USP24: variants seen among roughly 807,000 people sequenced by gnomAD.
The protein encoded by USP24 is ubiquitin carboxyl-terminal hydrolase 24.
Under a neutral mutation model 361.6 loss-of-function variants are expected in USP24, and 97 were observed. The ratio of observed to expected loss-of-function variants is 0.27; its 90% CI spans 0.23 to 0.32. The LOEUF is 0.32. Among genes scored for constraint, USP24 ranks in the 10% least tolerant of loss-of-function variants. The pLI is 1.00. For synonymous variants in USP24, 1,098 were observed against 1,124.6 expected, an observed-to-expected ratio of 0.98 and a Z score of 0.47; for missense variants, 2,353 against 3,165.6, an observed-to-expected ratio of 0.74 and a Z score of 6.16.
chr1:55,212,781 T>C (rs1450225432), intron 1 of USP24, among the ~76,000 whole-genome samples: 1 of 152,166 alleles, frequency 6.6e-6, no homozygotes, highest in Non-Finnish European at 1.5e-5. Context: ...CTCTTAAAAG[T>C]AAACGGTGCA....
In USP24 at chr1:55,078,607, G is replaced by A. The variant is rs993697669; in HGVS notation, c.7245C>T (p.Leu2415=). The change falls in exon 61 of 68, where the codon CTC becomes CTT. Residue 2415 remains leucine, a synonymous_variant. Coordinates refer to ENST00000294383, the MANE Select transcript of USP24 (RefSeq NM_015306.3). ...LRELTGSLLA[L]IEMVVYCCFC... ...AACAGCAGTACACTACCATCTCAAT[G>A]AGTGCCAAGAGCGAGCCTGTCAGCT... 3 of 1,611,502 alleles carry A rather than the reference G, an allele frequency of 1.9e-6. No individual in the cohort carries two copies. The highest frequency in any genetic ancestry group is 1.7e-6 in the Non-Finnish European group (2 of 1,179,274).
At chr1:55,102,454 T>C (rs995791879) in intron 42 of USP24, among the ~76,000 whole-genome samples, 6 of 152,204 alleles carry the variant, frequency 3.9e-5, no homozygotes, top group African/African-American at 7.2e-5. Flanking sequence ...CACTTTGAAA[T>C]GCTATTCAAA....
intron 41 of USP24, among the ~76,000 whole-genome samples, chr1:55,105,942 T>A (rs894206300): frequency 6.6e-6 from 1 of 152,186 alleles, no homozygotes; most frequent in Non-Finnish European, 1.5e-5. Flanking sequence ...ATAATAATGG[T>A]ACCAGCACAC....
intron 36 of USP24, 49 bp from the exon 37 acceptor site, chr1:55,121,555 T>C (rs376681002): frequency 2.0e-6 from 3 of 1,503,322 alleles, no homozygotes; most frequent in East Asian, 2.3e-5. Context: ...AGTTAGGTAA[T>C]GCATTTTCAA....
intron 7 of USP24, among the ~76,000 whole-genome samples, chr1:55,165,544 A>T (rs989618918): frequency 6.6e-6 from 1 of 152,132 alleles, no homozygotes; most frequent in African/African-American, 2.4e-5. Context: ...TTCTGATTTT[A>T]TATAATCGTT....
intron 32 of USP24, among the ~76,000 whole-genome samples, chr1:55,128,875 C>T (rs961670461): frequency 6.6e-6 from 1 of 151,864 alleles, no homozygotes; most frequent in Non-Finnish European, 1.5e-5. Context: ...TCATCACACT[C>T]AACTATTTTT....
chr1:55,079,797 T>A (rs1407138896), intron 59 of USP24, 138 bp from the exon 60 acceptor site: 31 of 1,155,260 alleles, frequency 2.7e-5, no homozygotes, highest in Non-Finnish European at 1.2e-6. Flanking sequence ...ACACACTGAG[T>A]ACTCACACAC....
chr1:55,079,896 A>T (rs1645114081), intron 59 of USP24, among the ~76,000 whole-genome samples: 1 of 151,470 alleles, frequency 6.6e-6, no homozygotes, highest in Non-Finnish European at 1.5e-5. Flanking sequence ...TCGCACACAC[A>T]GAGAACTCGC....
intron 55 of USP24, among the ~76,000 whole-genome samples, chr1:55,087,208 T>A (rs1645270408): frequency 6.6e-6 from 1 of 152,228 alleles, no homozygotes; most frequent in Non-Finnish European, 1.5e-5. Flanking sequence ...GATCATTAAT[T>A]CTTCAAACAC....
chr1:55,211,939 A>G (rs1644856094), intron 1 of USP24, among the ~76,000 whole-genome samples: 1 of 152,280 alleles, frequency 6.6e-6, no homozygotes, highest in Non-Finnish European at 1.5e-5. Context: ...GATTAACTAT[A>G]TAATAGCTGA....
chr1:55,134,111 T>C lies in USP24; in HGVS notation c.3340A>G (p.Ile1114Val). The C allele has an allele frequency of 2.5e-6, 4 of 1,613,774 alleles. No individual in the cohort carries two copies. The highest frequency in any genetic ancestry group is 3.4e-6 in the Non-Finnish European group (4 of 1,179,786). The change falls in exon 30 of 68, where the codon ATT becomes GTT. Residue 1114 changes from isoleucine to valine, a missense_variant. Ile to Val is a conservative substitution (Grantham distance 29). Coordinates refer to ENST00000294383, the MANE Select transcript of USP24 (RefSeq NM_015306.3). Reference sequence around the variant, plus strand: ...TCAAGTTGATCAAGGGCTTCCTGAATGGCTGGATCAGTGGGTATCAAGAGC... The same window carrying C: ...TCAAGTTGATCAAGGGCTTCCTGAACGGCTGGATCAGTGGGTATCAAGAGC... The part of the protein sequence containing the change: ...LLLLIPTDPA[I>V]QEALDQLDSL...
At chr1:55,107,458 A>G in intron 39 of USP24, 28 bp from the exon 40 acceptor site, 1 of 1,531,236 alleles carries the variant, frequency 6.5e-7, no homozygotes, top group Non-Finnish European at 8.7e-7. Flanking sequence ...AATCCATTAC[A>G]AAGAAAGAAG....
intron 1 of USP24, among the ~76,000 whole-genome samples, chr1:55,192,248 T>C: frequency 6.6e-6 from 1 of 151,212 alleles, no homozygotes; most frequent in East Asian, 1.9e-4. Flanking sequence ...TTAAGCCTTC[T>C]TTGTTGAAAG....
chr1:55,090,077 A>AT (rs887736569), intron 54 of USP24, among the ~76,000 whole-genome samples: 1 of 152,132 alleles, frequency 6.6e-6, no homozygotes, highest in South Asian at 2.1e-4. Context: ...GAACTATAGC[A>AT]TTTTTTTCAT....
Position 55,139,021 on chromosome 1 carries a change from A to G in USP24, c.2751-11T>C. On this transcript the variant is annotated splice_polypyrimidine_tract_variant and intron_variant, in intron 24 of 67. Coordinates refer to ENST00000294383, the MANE Select transcript of USP24 (RefSeq NM_015306.3). ...ACAAGTTTAGTAGATCTATAGATTAAAAAAAAAAAGTATTAAAATGTATTT... is the reference window on the plus strand; with the variant it reads ...ACAAGTTTAGTAGATCTATAGATTAGAAAAAAAAAGTATTAAAATGTATTT... 1 of 1,551,000 alleles carries G rather than the reference A, an allele frequency of 6.4e-7. No individual in the cohort carries two copies. Among genetic ancestry groups the G allele is most frequent in the South Asian group, 1.2e-5 (1 of 84,262 alleles).
chr1:55,124,371 G>T, intron 35 of USP24, 98 bp downstream of exon 35: 1 of 1,395,354 alleles, frequency 7.2e-7, no homozygotes, highest in African/African-American at 1.4e-5. Context: ...CAAGAGAAGA[G>T]GGTCTCCCAT....
intron 39 of USP24, among the ~76,000 whole-genome samples, chr1:55,108,507 A>C (rs1364264422): frequency 6.6e-6 from 1 of 152,204 alleles, no homozygotes; most frequent in African/African-American, 2.4e-5. Context: ...TTATGCAATG[A>C]GACCAGCACC....
Position 55,103,823 on chromosome 1 carries a change from G to A in USP24, c.5025+53C>T, listed in dbSNP as rs771901783. On this transcript the variant is annotated intron_variant, in intron 42 of 67. Coordinates refer to ENST00000294383, the MANE Select transcript of USP24 (RefSeq NM_015306.3). ...TGCAAATACAGTCTTAAAATTATATGTTTCAGAGATCATTCTAAAAAAATT... is the reference window on the plus strand; with the variant it reads ...TGCAAATACAGTCTTAAAATTATATATTTCAGAGATCATTCTAAAAAAATT... The A allele has an allele frequency of 3.9e-6, 6 of 1,557,142 alleles. 1 individual carries two copies. The highest frequency in any genetic ancestry group is 2.4e-5 in the South Asian group (2 of 83,390).
chr1:55,162,019 T>C (rs937942617), intron 8 of USP24, among the ~76,000 whole-genome samples, 180 bp downstream of exon 8: 3 of 152,202 alleles, frequency 2.0e-5, no homozygotes, highest in Non-Finnish European at 4.4e-5. Flanking sequence ...TTAGGTCTCC[T>C]ATACTTCAAA....
Sources: allele counts gnomAD v4.1 joint callset (sites outside exome capture counted in the v4.1 genomes callset), GRCh38; gene constraint gnomAD v4.1.1; transcripts MANE v1.5; gene names NCBI Gene and HGNC (gene_info 2026-07-23, HGNC 2026-07-21).